Variants in MCTP1 observed in about 807,000 individuals in gnomAD.
MCTP1 encodes the protein multiple C2 and transmembrane domain containing 1.
Under a neutral mutation model 120.6 loss-of-function variants are expected in MCTP1, and 69 were observed. That is an observed-to-expected ratio of 0.57 (90% confidence interval 0.47 to 0.70). MCTP1 has a LOEUF of 0.70. Among genes scored for constraint, MCTP1 ranks in the 30% least tolerant of loss-of-function variants. MCTP1 has a pLI of 0.00. For missense variants in MCTP1, 1,203 were observed against 1,248.8 expected, an observed-to-expected ratio of 0.96 and a Z score of 0.55; for synonymous variants, 529 against 493.1, an observed-to-expected ratio of 1.07 and a Z score of -0.96.
rs539339505 is a variant in MCTP1, at chr5:95,199,628, C to A, written c.720+84228G>T. ...ATCCCAGCATTTTGGGGGTTTGAGG[C>A]GGGTGGATCACTTGAGGTCAGGGGG... On this transcript the variant is annotated intron_variant, in intron 1 of 22. Coordinates refer to ENST00000515393, the MANE Select transcript of MCTP1 (RefSeq NM_024717.7). Among the ~76,000 whole-genome samples, 4 of 151,046 alleles carry A rather than the reference C, an allele frequency of 2.6e-5. No individual in the cohort carries two copies. In the Admixed American group the frequency reaches 2.7e-4, roughly 10 times the overall value.
chr5:94,936,219 G>T (rs1387108770), intron 5 of MCTP1, among the ~76,000 whole-genome samples: 2 of 146,890 alleles, frequency 1.4e-5, no homozygotes, highest in African/African-American at 4.9e-5. Flanking sequence ...CAACCTCAGG[G>T]ATTTGAATAT....
At chr5:95,201,712 C>G (rs1751078936) in intron 1 of MCTP1, among the ~76,000 whole-genome samples, 1 of 151,540 alleles carries the variant, frequency 6.6e-6, no homozygotes, top group Non-Finnish European at 1.5e-5. Flanking sequence ...ACCATGTTGG[C>G]CAGGCTGGTC....
intron 19 of MCTP1, among the ~76,000 whole-genome samples, chr5:94,778,882 T>C (rs1443303931): frequency 6.6e-6 from 1 of 152,104 alleles, no homozygotes; most frequent in Non-Finnish European, 1.5e-5. Flanking sequence ...TATTTTTTTG[T>C]TTGTTCTTGG....
In MCTP1 at chr5:94,707,856, G is replaced by A. The variant is rs115103393; in HGVS notation, c.2929-289C>T. The stretch of plus-strand genomic sequence containing the variant: ...TCTACATCAATTTTTTAAAGGGCTC[G>A]ATAATGGTTTTTTACAATTTATCGT... On this transcript the variant is annotated intron_variant, in intron 22 of 22. Coordinates refer to ENST00000515393, the MANE Select transcript of MCTP1 (RefSeq NM_024717.7). Among the ~76,000 whole-genome samples, 645 of 151,632 alleles carry A rather than the reference G, an allele frequency of 4.3e-3. 3 individuals carry two copies. The highest frequency in any genetic ancestry group is 0.015 in the African/African-American group (613 of 41,366).
chr5:95,163,012 C>G (rs1745919178), intron 1 of MCTP1, among the ~76,000 whole-genome samples: 1 of 152,102 alleles, frequency 6.6e-6, no homozygotes. Context: ...AGACCTTCAA[C>G]ATTTTAATTT....
intron 1 of MCTP1, among the ~76,000 whole-genome samples, chr5:95,152,041 C>A (rs73777315): frequency 3.9e-5 from 6 of 151,914 alleles, no homozygotes; most frequent in Non-Finnish European, 5.9e-5. Flanking sequence ...CTAAACAGTA[C>A]GGAAAAAAAG....
chr5:94,909,334 A>G lies in MCTP1; in HGVS notation c.1569T>C (p.Phe523=). Residue 523 remains phenylalanine (F), a synonymous_variant, in exon 10 of 23, where the codon TTT becomes TTC. Coordinates refer to ENST00000515393, the MANE Select transcript of MCTP1 (RefSeq NM_024717.7). The part of the protein sequence containing the change: ...LNPQWREQFD[F]HLYEERGGVI... ...CTCCTCCTCTTTCTTCATAAAGGTG[A>G]AAATCAAATTGTTCCCTCCACTGAG... 6.2e-7 allele frequency: 1 copy of G among 1,609,404 alleles called. No individual in the cohort carries two copies. Among genetic ancestry groups the G allele is most frequent in the Non-Finnish European group, 8.5e-7 (1 of 1,178,198 alleles).
chr5:94,743,978 GTTCTTTTTCT>G (rs1477489549), intron 19 of MCTP1, among the ~76,000 whole-genome samples: 1 of 151,582 alleles, frequency 6.6e-6, no homozygotes, highest in Admixed American at 6.6e-5. Flanking sequence ...GATTTTTCTT[GTTCTTTTTCT>G]GAGTCAGGAT....
intron 2 of MCTP1, among the ~76,000 whole-genome samples, chr5:94,974,098 C>G (rs1307963337): frequency 6.6e-6 from 1 of 151,994 alleles, no homozygotes; most frequent in Non-Finnish European, 1.5e-5. Context: ...AATATAATTA[C>G]TTAACAATCT....
At chr5:94,717,538 A>G (rs1389942506) in intron 19 of MCTP1, among the ~76,000 whole-genome samples, 2 of 152,304 alleles carry the variant, frequency 1.3e-5, no homozygotes, top group Non-Finnish European at 2.9e-5. Context: ...CAGGCAAGAG[A>G]GAGAAATAAA....
intron 12 of MCTP1, among the ~76,000 whole-genome samples, chr5:94,875,349 C>T (rs1363409495): frequency 6.6e-6 from 1 of 151,858 alleles, no homozygotes; most frequent in Admixed American, 6.6e-5. Context: ...TCCAGGAAGC[C>T]GGTGTGGCTG....
chr5:94,914,686 A>T (rs1010835770), intron 8 of MCTP1, among the ~76,000 whole-genome samples: 1 of 152,196 alleles, frequency 6.6e-6, no homozygotes, highest in African/African-American at 2.4e-5. Flanking sequence ...AGTGTAATGG[A>T]GAATTCATGG....
intron 6 of MCTP1, among the ~76,000 whole-genome samples, chr5:94,929,390 A>G (rs1813958775): frequency 6.6e-6 from 1 of 152,186 alleles, no homozygotes. Context: ...AAAGAAGAAA[A>G]TGATCTGTGT....
chr5:94,981,805 T>G (rs902024851), intron 2 of MCTP1, among the ~76,000 whole-genome samples: 2 of 152,138 alleles, frequency 1.3e-5, no homozygotes, highest in Non-Finnish European at 2.9e-5. Context: ...TTGCTGGAGC[T>G]AGTGGCCTAG....
At chr5:95,003,060 G>A (rs1357066067) in intron 2 of MCTP1, among the ~76,000 whole-genome samples, 1 of 152,052 alleles carries the variant, frequency 6.6e-6, no homozygotes, top group Non-Finnish European at 1.5e-5. Flanking sequence ...TTCCCCTGCT[G>A]GCATTCATTT....
At chr5:94,836,482 C>T (rs1172586751) in intron 17 of MCTP1, among the ~76,000 whole-genome samples, 2 of 152,140 alleles carry the variant, frequency 1.3e-5, no homozygotes, top group African/African-American at 2.4e-5. Context: ...ATTTCTTCAC[C>T]TTCTTCAGTC....
chr5:95,104,688 G>A (rs1756968231), intron 1 of MCTP1, among the ~76,000 whole-genome samples: 1 of 152,062 alleles, frequency 6.6e-6, no homozygotes, highest in Non-Finnish European at 1.5e-5. Context: ...TTTAAATTTA[G>A]CTGCAATACC....
intron 1 of MCTP1, among the ~76,000 whole-genome samples, chr5:95,069,651 G>A (rs1240788015): frequency 6.6e-6 from 1 of 151,498 alleles, no homozygotes; most frequent in Non-Finnish European, 1.5e-5. Flanking sequence ...GGCTCACAGG[G>A]ATGTCAAGTT....
At chr5:94,727,614 T>A (rs969615219) in intron 19 of MCTP1, among the ~76,000 whole-genome samples, 9 of 152,234 alleles carry the variant, frequency 5.9e-5, no homozygotes, top group Admixed American at 2.0e-4. Context: ...GTCTTCAGTG[T>A]CTGCGAGCAT....
Sources: allele counts gnomAD v4.1 joint callset (sites outside exome capture counted in the v4.1 genomes callset), GRCh38; gene constraint gnomAD v4.1.1; transcripts MANE v1.5; gene names NCBI Gene and HGNC (gene_info 2026-07-23, HGNC 2026-07-21).